Variants in RTTN observed in about 807,000 individuals in gnomAD.
RTTN encodes rotatin.
Under a neutral mutation model 269.2 loss-of-function variants are expected in RTTN, and 182 were observed. The ratio of observed to expected loss-of-function variants is 0.68; its 90% CI spans 0.60 to 0.76. The LOEUF (loss-of-function observed/expected upper bound fraction) is 0.76. Ranked by LOEUF, RTTN falls within the 30% of genes least tolerant of loss-of-function variation. RTTN has a pLI of 0.00. For synonymous variants in RTTN, 1,006 were observed against 963.5 expected (o/e 1.04, Z -0.82); for missense variants, 2,545 against 2,608.6 (o/e 0.98, Z 0.53).
At chr18:70,043,446 GA>G (rs1448827644) in intron 40 of RTTN, among the ~76,000 whole-genome samples, 1 of 151,286 alleles carries the variant, frequency 6.6e-6, no homozygotes, top group Admixed American at 6.6e-5. Flanking sequence ...GGTGAGGCAT[GA>G]AAAAAAAGCT....
intron 23 of RTTN, chr18:70,130,669 G>C (rs966839561): frequency 6.6e-6 from 1 of 151,708 alleles, no homozygotes; most frequent in Non-Finnish European, 1.5e-5. Context: ...AAGAAGGGAT[G>C]GCTAATGGGT....
At chr18:70,073,731 AT>A (rs1328192710) in intron 34 of RTTN, among the ~76,000 whole-genome samples, 174 bp downstream of exon 34, 1 of 152,180 alleles carries the variant, frequency 6.6e-6, no homozygotes, top group Non-Finnish European at 1.5e-5. Flanking sequence ...AGTATCTATA[AT>A]GTATGACTGA....
intron 14 of RTTN, among the ~76,000 whole-genome samples, chr18:70,155,738 C>T (rs1034336595): frequency 2.6e-5 from 4 of 152,172 alleles, no homozygotes; most frequent in Non-Finnish European, 2.9e-5. Flanking sequence ...TCAGGGACCC[C>T]GAACGGAGGG....
At chr18:70,081,470 G>C (rs548391635) in intron 32 of RTTN, among the ~76,000 whole-genome samples, 1 of 152,128 alleles carries the variant, frequency 6.6e-6, no homozygotes, top group Non-Finnish European at 1.5e-5. Flanking sequence ...TCTTTACTAA[G>C]TAATCAAAGT....
At chr18:70,104,178 T>G (rs993120214) in intron 28 of RTTN, among the ~76,000 whole-genome samples, 2 of 152,148 alleles carry the variant, frequency 1.3e-5, no homozygotes, top group Middle Eastern at 3.2e-3. Context: ...TTGGAGGCTT[T>G]GTTTGTTTCT....
At chr18:70,126,692 G>T (rs370112626) in intron 25 of RTTN, among the ~76,000 whole-genome samples, 2 of 152,072 alleles carry the variant, frequency 1.3e-5, no homozygotes, top group East Asian at 3.9e-4. Context: ...ATTAAGAATG[G>T]CTGTGTTTAA....
intron 3 of RTTN, among the ~76,000 whole-genome samples, chr18:70,202,834 A>G (rs555044984): frequency 6.6e-6 from 1 of 152,384 alleles, no homozygotes; most frequent in Admixed American, 6.5e-5. Flanking sequence ...GTTTAAATCA[A>G]TGTATTCAAT....
At chr18:70,020,511 C>T in intron 45 of RTTN, 104 bp downstream of exon 45, 2 of 1,125,568 alleles carry the variant, frequency 1.8e-6, no homozygotes, top group South Asian at 3.1e-5. Context: ...AAATAAAATG[C>T]CTCAAAATCA....
At position 70,057,866 on chromosome 18, in the gene RTTN, G is replaced by T. The variant is rs755867243; in HGVS notation, c.4941-34C>A. 4.2e-6 allele frequency: 6 copies of T among 1,440,038 alleles called. No individual in the cohort carries two copies. In the East Asian group the frequency reaches 1.2e-4, roughly 28 times the overall value. 89.2% of individuals were successfully genotyped at this position (1,440,038 alleles called of 1,614,324 possible). ...ATCAGAAAAAGAAAATCCTTCAGAA[G>T]ATTAGTATACTTTTTATTAAAGATT... On this transcript the variant is annotated intron_variant, in intron 36 of 48. Coordinates refer to ENST00000640769, the MANE Select transcript of RTTN (RefSeq NM_173630.4).
intron 4 of RTTN, among the ~76,000 whole-genome samples, chr18:70,199,716 A>G (rs767273047): frequency 2.0e-5 from 3 of 152,258 alleles, no homozygotes; most frequent in Non-Finnish European, 4.4e-5. Context: ...CAGAACTCAT[A>G]TGATATCAAA....
At chr18:70,042,111 T>C (rs1283934262) in intron 40 of RTTN, among the ~76,000 whole-genome samples, 2 of 150,186 alleles carry the variant, frequency 1.3e-5, no homozygotes, top group Non-Finnish European at 3.0e-5. Flanking sequence ...CAAAGAGAGA[T>C]TACATAGCGA....
At chr18:70,205,607 G>T in intron 1 of RTTN, 21 bp downstream of exon 1, 1 of 1,614,022 alleles carries the variant, frequency 6.2e-7, no homozygotes, top group Non-Finnish European at 8.5e-7. Context: ...TGCCTTGGGC[G>T]AGGGGCAAGC....
chr18:70,171,975 G>C (rs2061154981), intron 11 of RTTN, among the ~76,000 whole-genome samples: 1 of 152,158 alleles, frequency 6.6e-6, no homozygotes, highest in South Asian at 2.1e-4. Flanking sequence ...AAAAGCTAAA[G>C]ACCTTGTGTT....
At chr18:70,122,112 G>A (rs1599656911) in intron 25 of RTTN, among the ~76,000 whole-genome samples, 1 of 151,966 alleles carries the variant, frequency 6.6e-6, no homozygotes, top group East Asian at 1.9e-4. Context: ...AAAAAATAAG[G>A]TAATAAAGTG....
chr18:70,031,715 A>T (rs2057017580), intron 40 of RTTN, among the ~76,000 whole-genome samples: 1 of 151,368 alleles, frequency 6.6e-6, no homozygotes, highest in Non-Finnish European at 1.5e-5. Context: ...AACTAGATAC[A>T]GCCAGGAGGA....
At position 70,142,308 on chromosome 18, in the gene RTTN, T is replaced by A; in HGVS notation, c.2561A>T (p.Gln854Leu). 6.2e-7 allele frequency: 1 copy of A among 1,602,812 alleles called. No homozygotes were observed. The highest frequency in any genetic ancestry group is 8.5e-7 in the Non-Finnish European group (1 of 1,171,472). ...ATTACCTTGCATAATCACAGCTAAC[T>A]GTTCAGCAGCTGACTTTCTCAAAAC... Reference protein sequence around the residue: ...DLVLRKSAAEQLAVIMQDIKM... With the variant: ...DLVLRKSAAELLAVIMQDIKM... Residue 854 changes from glutamine to leucine, a missense_variant, in exon 19 of 49, where the codon CAG becomes CTG. Physicochemically the swap from Gln to Leu is moderately radical, Grantham distance 113. Coordinates refer to ENST00000640769, the MANE Select transcript of RTTN (RefSeq NM_173630.4).
At chr18:70,143,908 G>A (rs886313379) in intron 18 of RTTN, among the ~76,000 whole-genome samples, 3 of 151,474 alleles carry the variant, frequency 2.0e-5, no homozygotes, top group Admixed American at 6.6e-5. Context: ...CACCCAGGCT[G>A]GAGTAAAGTG....
intron 28 of RTTN, among the ~76,000 whole-genome samples, chr18:70,103,612 GAC>G (rs2059236676): frequency 6.6e-6 from 1 of 152,072 alleles, no homozygotes; most frequent in Admixed American, 6.5e-5. Context: ...CAGGGACACA[GAC>G]ACTGCGGAAG....
intron 35 of RTTN, chr18:70,061,492 G>A (rs886796222): frequency 6.6e-5 from 30 of 452,942 alleles, no homozygotes; most frequent in Admixed American, 3.1e-4. Flanking sequence ...GCTAGAAAAC[G>A]TGTGTGTATA....
Sources: gnomAD v4.1 joint callset for allele counts (sites outside exome capture counted in the v4.1 genomes callset) on GRCh38, gnomAD v4.1.1 for gene constraint, MANE v1.5 for transcripts, NCBI Gene and HGNC (gene_info 2026-07-23, HGNC 2026-07-21) for gene names.